Variants in POLQ observed in about 807,000 individuals in gnomAD.
The protein encoded by POLQ is DNA polymerase theta, also known as epididymis secretory sperm binding protein.
POLQ carries 233 observed loss-of-function variants against 259.2 expected under a neutral mutation model. The observed-to-expected ratio is 0.90, with a 90% CI of 0.81 to 1.00. The LOEUF is 1.00. Ranked by LOEUF, POLQ falls within the 50% of genes least tolerant of loss-of-function variation. The pLI, the probability that POLQ is intolerant of heterozygous loss-of-function variation, is 0.00. For missense variants in POLQ, 2,871 were observed against 3,051.6 expected (o/e 0.94, Z 1.39); for synonymous variants, 1,025 against 1,048.8 (o/e 0.98, Z 0.44).
chr3:121,515,656 T>A (rs1015417829), intron 9 of POLQ, among the ~76,000 whole-genome samples: 10 of 152,208 alleles, frequency 6.6e-5, no homozygotes, highest in African/African-American at 2.4e-4. Flanking sequence ...GTTGGCCTAT[T>A]CAGAATCAAA....
At position 121,440,077 on chromosome 3, in the gene POLQ, T is replaced by TA; in HGVS notation, c.7303_7304insT (p.Lys2435IlefsTer14). The TA allele has an allele frequency of 6.2e-7, 1 of 1,609,400 alleles. No individual in the cohort carries two copies. Among genetic ancestry groups the TA allele is most frequent in the Non-Finnish European group, 8.5e-7 (1 of 1,175,798 alleles). On this transcript the variant is annotated frameshift_variant, in exon 27 of 30. Transcript: ENST00000264233. LOFTEE classifies it high-confidence loss of function. ...AATGGTCTGAACAAATCCGTCTCTT[T>TA]TACAATTCTTCACTGTCTCTGTCAT...
At chr3:121,476,432 C>T in intron 20 of POLQ, 108 bp downstream of exon 20, 4 of 736,002 alleles carry the variant, frequency 5.4e-6, no homozygotes, top group Non-Finnish European at 6.3e-6. Flanking sequence ...TTTCATTTTA[C>T]TGACCTTTGG....
intron 10 of POLQ, among the ~76,000 whole-genome samples, chr3:121,511,086 C>T (rs2048251623): frequency 1.3e-5 from 2 of 151,972 alleles, no homozygotes; most frequent in Non-Finnish European, 1.5e-5. Flanking sequence ...ATAAGCCAGG[C>T]GTGGTGGCGG....
chr3:121,532,992 T>A lies in POLQ; in HGVS notation c.958A>T (p.Lys320Ter), dbSNP rs1472534829. The A allele has an allele frequency of 6.3e-7, 1 of 1,587,366 alleles. No individual in the cohort carries two copies. The change falls in exon 6 of 30, where the codon AAG becomes TAG. Residue 320 changes from lysine (K) to a stop codon, truncating the protein, a stop_gained and splice_region_variant. Transcript: ENST00000264233. LOFTEE classifies it high-confidence loss of function. The part of the protein sequence containing the change: ...VREFEPMLQV[K>*]GDEDHVVSLC... ...GTGATGTACATATATTGATTTACCTTCACTTGTAGCATGGGCTCAAATTCC... is the reference window on the plus strand; with the variant it reads ...GTGATGTACATATATTGATTTACCTACACTTGTAGCATGGGCTCAAATTCC...
chr3:121,502,488 G>A (rs2048179026), intron 12 of POLQ, among the ~76,000 whole-genome samples: 2 of 152,128 alleles, frequency 1.3e-5, no homozygotes, highest in African/African-American at 2.4e-5. Context: ...ACAGGCATGA[G>A]CCACTACAAC....
rs548307924 is a variant in POLQ, at chr3:121,493,691, C to G, written c.2309G>C (p.Gly770Ala). Residue 770 changes from glycine to alanine, a missense_variant, in exon 15 of 30, where the codon GGC (glycine) becomes GCC (alanine). Physicochemically the swap from Gly to Ala is moderately conservative, Grantham distance 60 (BLOSUM62 0). Around this residue, in one of 3 missense-constraint regions of POLQ, gnomAD observed 2,080 missense variants for 2,126.0 expected, o/e 0.98. Transcript: ENST00000264233. ...AAGTAGTAGTTCCATGTTGTGCCAG[C>G]CCAGACGGTTGGAAAATACTGTAAT... ...GMITVFSNRL[G>A]WHNMELLLSQ... 11 of 1,613,686 alleles carry G rather than the reference C, an allele frequency of 6.8e-6. No homozygotes were observed. In the South Asian group the frequency reaches 8.8e-5, roughly 13 times the overall value.
chr3:121,476,487 A>AC, intron 20 of POLQ, 53 bp downstream of exon 20: 1 of 1,222,998 alleles, frequency 8.2e-7, no homozygotes, highest in Non-Finnish European at 1.2e-6. Context: ...CACACACACA[A>AC]TCATTTTAAC....
At chr3:121,513,125 CT>C (rs906397705) in intron 9 of POLQ, among the ~76,000 whole-genome samples, 19 of 148,782 alleles carry the variant, frequency 1.3e-4, no homozygotes, top group African/African-American at 2.0e-4. Context: ...ATGAAGAATA[CT>C]TTTTTTTTTA....
At chr3:121,437,847 A>T (rs1358628197) in intron 27 of POLQ, among the ~76,000 whole-genome samples, 3 of 152,220 alleles carry the variant, frequency 2.0e-5, no homozygotes, top group African/African-American at 7.2e-5. Flanking sequence ...CCTACAAGAA[A>T]CAAGAATGAC....
chr3:121,502,009 A>G (rs2048174688), intron 12 of POLQ, among the ~76,000 whole-genome samples: 1 of 151,610 alleles, frequency 6.6e-6, no homozygotes, highest in Admixed American at 6.6e-5. Context: ...AAAAAAAAGC[A>G]AAGAAATACT....
intron 26 of POLQ, among the ~76,000 whole-genome samples, chr3:121,447,525 C>G (rs1419504522): frequency 6.6e-6 from 1 of 152,042 alleles, no homozygotes; most frequent in Non-Finnish European, 1.5e-5. Context: ...TCTTGAAAGG[C>G]TGTTACAGTT....
chr3:121,467,489 G>A (rs2108787612), intron 24 of POLQ, 30 bp downstream of exon 24: 1 of 1,608,544 alleles, frequency 6.2e-7, no homozygotes, highest in East Asian at 2.2e-5. Flanking sequence ...TCACAGCAAT[G>A]AGAAGCTTCA....
In POLQ at chr3:121,487,867, T is replaced by C. The variant is rs769817121; in HGVS notation, c.5064A>G (p.Lys1688=). The C allele has an allele frequency of 6.2e-7, 1 of 1,610,530 alleles. No individual in the cohort carries two copies. The highest frequency in any genetic ancestry group is 2.2e-5 in the East Asian group (1 of 44,854). The change falls in exon 16 of 30, where the codon AAA becomes AAG. Residue 1688 remains lysine (K), a synonymous_variant. Coordinates refer to ENST00000264233, the MANE Select transcript of POLQ (RefSeq NM_199420.4). ...AAGAAAATGAAATTCCCTGCACTTGTTTTGTCTCCAAGTTTGAAATAACTT... is the reference window on the plus strand; with the variant it reads ...AAGAAAATGAAATTCCCTGCACTTGCTTTGTCTCCAAGTTTGAAATAACTT... ...EQEVISNLET[K]QVQGISFSSN... is the part of the protein sequence containing the mutation.
intron 16 of POLQ, among the ~76,000 whole-genome samples, 190 bp downstream of exon 16, chr3:121,487,112 G>C (rs111535444): frequency 0.014 from 2,191 of 151,722 alleles, 54 homozygotes; most frequent in African/African-American, 0.049. Context: ...TTATACTGGA[G>C]GGCAACTATC....
rs569683492 is a variant in POLQ, at chr3:121,432,535, T to C, written c.7660-118A>G. Reference sequence around the variant, plus strand: ...CTTCACCCAATGGTGCTTAAAATGCTAAATCAGAAAAAATAAAAAATAAAA... The same window carrying C: ...CTTCACCCAATGGTGCTTAAAATGCCAAATCAGAAAAAATAAAAAATAAAA... On this transcript the variant is annotated intron_variant, in intron 29 of 29. Coordinates refer to ENST00000264233, the MANE Select transcript of POLQ (RefSeq NM_199420.4). 1.7e-4 allele frequency: 158 copies of C among 914,048 alleles called. No homozygotes were observed. The African/African-American group carries it at 2.5e-3, about 14-fold the overall frequency. The allele number at this position is 914,048 out of a possible 1,614,324, so 56.6% of individuals were successfully genotyped here. A position where few individuals can be genotyped will look rare whatever the true frequency, so the allele number is the denominator to read the frequency against.
In POLQ at chr3:121,489,109, T is replaced by C. The variant is rs1187148770; in HGVS notation, c.3822A>G (p.Ala1274=). 4 of 1,613,916 alleles carry C rather than the reference T, an allele frequency of 2.5e-6. No homozygotes were observed. The highest frequency in any genetic ancestry group is 3.4e-6 in the Non-Finnish European group (4 of 1,179,808). The change falls in exon 16 of 30, where the codon GCA becomes GCG. Residue 1274 remains alanine, a synonymous_variant. Coordinates refer to ENST00000264233, the MANE Select transcript of POLQ (RefSeq NM_199420.4). ...CATGCTGGCCTTCTGATTTGCTAAA[T>C]GCTCCAGCTGATGGAAGTACTTCAC... is the stretch of plus-strand genomic sequence containing the variant. ...IPSEVLPSAG[A]FSKSEGQHEN...
At chr3:121,513,362 G>T (rs2048269497) in intron 9 of POLQ, among the ~76,000 whole-genome samples, 1 of 152,014 alleles carries the variant, frequency 6.6e-6, no homozygotes, top group South Asian at 2.1e-4. Context: ...CCAGCACTTT[G>T]GGAGGCCGAG....
intron 16 of POLQ, among the ~76,000 whole-genome samples, chr3:121,486,919 GAGAAAGA>G (rs1277567480): frequency 6.8e-6 from 1 of 147,332 alleles, no homozygotes; most frequent in Non-Finnish European, 1.5e-5. Context: ...GAGAGAGAGA[GAGAAAGA>G]AAAGAAAAGA....
At chr3:121,540,008 AATTGG>A (rs1041707040) in intron 3 of POLQ, among the ~76,000 whole-genome samples, 1 of 152,148 alleles carries the variant, frequency 6.6e-6, no homozygotes, top group Admixed American at 6.5e-5. Context: ...TTTTTAATGT[AATTGG>A]AAGAAAAGTT....
Sources: allele counts gnomAD v4.1 joint callset (sites outside exome capture counted in the v4.1 genomes callset), GRCh38; gene constraint gnomAD v4.1.1; regional missense constraint gnomAD v4.1.1; transcripts MANE v1.5; gene names NCBI Gene and HGNC (gene_info 2026-07-23, HGNC 2026-07-21).